Variants in C14orf132 observed in about 807,000 individuals in gnomAD.
C14orf132 encodes uncharacterized protein C14orf132.
C14orf132 carries 6 observed loss-of-function variants against 5.8 expected under a neutral mutation model. The observed-to-expected ratio is 1.03, with a 90% CI of 0.57 to 2.04. C14orf132 has a LOEUF of 2.04. Among genes scored for constraint, C14orf132 ranks in the 30% most tolerant of loss-of-function variants. C14orf132 has a pLI of 0.00. For synonymous variants in C14orf132, 51 were observed against 49.8 expected, an observed-to-expected ratio of 1.02 and a Z score of -0.10; for missense variants, 125 against 115.8, an observed-to-expected ratio of 1.08 and a Z score of -0.37.
intron 1 of C14orf132, among the ~76,000 whole-genome samples, chr14:96,063,619 C>T (rs919188941): frequency 4.6e-5 from 7 of 152,162 alleles, no homozygotes; most frequent in African/African-American, 1.7e-4. Context: ...ATGTGGCATC[C>T]TTTTGAGGAA....
At chr14:96,064,361 T>TACACAC (rs755164695) in intron 1 of C14orf132, among the ~76,000 whole-genome samples, 4,730 of 97,586 alleles carry the variant, frequency 0.048, 88 homozygotes, top group South Asian at 0.067. Flanking sequence ...AGGGTGCATA[T>TACACAC]ATACACACAC....
rs1456013728 is a variant in C14orf132, at chr14:96,090,955, T to C, written c.*4220T>C. 2.2e-6 allele frequency: 1 copy of C among 456,158 alleles called. No individual in the cohort carries two copies. The highest frequency in any genetic ancestry group is 4.4e-6 in the Non-Finnish European group (1 of 226,816). 28.3% of individuals were successfully genotyped at this position (456,158 alleles called of 1,614,324 possible). On this transcript the variant is annotated 3_prime_UTR_variant, in exon 2 of 2. Coordinates refer to ENST00000555004, the MANE Select transcript of C14orf132 (RefSeq NM_001252507.3). Reference sequence around the variant, plus strand: ...TAGCAGTAATATTATTCCCAGTTATTATTCTTACCGGTGCCAGTTTTGCAC... The same window carrying C: ...TAGCAGTAATATTATTCCCAGTTATCATTCTTACCGGTGCCAGTTTTGCAC...
Position 96,065,159 on chromosome 14 carries a change from CG to C in C14orf132, c.28-21350del, listed in dbSNP as rs1443370820. On this transcript the variant is annotated intron_variant, in intron 1 of 1. Transcript: ENST00000555004. The stretch of plus-strand genomic sequence containing the variant: ...ACTGTGAGGCTGCAGGGTTCTGAGC[CG>C]GATTGTGTTGGCACAGGATGGCCAC... Among the ~76,000 whole-genome samples the C allele has an allele frequency of 2.0e-5, 3 of 152,240 alleles. No homozygotes were observed. The East Asian group carries it at 5.8e-4, about 29-fold the overall frequency.
chr14:96,093,135 C>G lies in C14orf132; in HGVS notation c.*6400C>G, dbSNP rs774086287. ...GTCACTGCCCTGCGTTCAAATAATG[C>G]GAGCTGAGGACAGTGATCTGCAACT... On this transcript the variant is annotated 3_prime_UTR_variant, in exon 2 of 2. Transcript: ENST00000555004. 3.9e-5 allele frequency: 6 copies of G among 152,182 alleles called. No individual in the cohort carries two copies. Among genetic ancestry groups the G allele is most frequent in the Non-Finnish European group, 8.8e-5 (6 of 68,038 alleles). 9.4% of individuals were successfully genotyped at this position (152,182 alleles called of 1,614,324 possible). A position where few individuals can be genotyped will look rare whatever the true frequency, so the allele number is the denominator to read the frequency against.
intron 1 of C14orf132, among the ~76,000 whole-genome samples, chr14:96,079,766 T>C (rs1012148063): frequency 1.1e-4 from 17 of 152,024 alleles, no homozygotes; most frequent in African/African-American, 2.9e-4. Context: ...ATGTGCTAGG[T>C]CCCCCAGAGA....
At chr14:96,060,712 G>A (rs1049902823) in intron 1 of C14orf132, among the ~76,000 whole-genome samples, 1 of 152,062 alleles carries the variant, frequency 6.6e-6, no homozygotes, top group Non-Finnish European at 1.5e-5. Flanking sequence ...TCTATGCTTT[G>A]GCCAGAGGCC....
At position 96,091,982 on chromosome 14, in the gene C14orf132, A is replaced by G. The variant is rs983458816; in HGVS notation, c.*5247A>G. The G allele has an allele frequency of 6.6e-6, 1 of 152,248 alleles. No homozygotes were observed. The highest frequency in any genetic ancestry group is 2.4e-5 in the African/African-American group (1 of 41,464). 9.4% of individuals were successfully genotyped at this position (152,248 alleles called of 1,614,324 possible). A position where few individuals can be genotyped will look rare whatever the true frequency, so the allele number is the denominator to read the frequency against. ...TGAGGAAGAGGGAAAGTGACAAAGGACAAAACAATGCAAATCTTCATGACT... is the reference window on the plus strand; with the variant it reads ...TGAGGAAGAGGGAAAGTGACAAAGGGCAAAACAATGCAAATCTTCATGACT... On this transcript the variant is annotated 3_prime_UTR_variant, in exon 2 of 2. Coordinates refer to ENST00000555004, the MANE Select transcript of C14orf132 (RefSeq NM_001252507.3).
rs1886630573 is a variant in C14orf132 at position 96,039,664 on chromosome 14, ACACCCCCACTTGGTG to A, written c.27+141_27+155del. Reference sequence around the variant, plus strand: ...GTCCCGGTCCTTTGTCCCGAGCCGGACACCCCCACTTGGTGCACGCGTCGGGGGCGGCGATCGCGG... The same window carrying A: ...GTCCCGGTCCTTTGTCCCGAGCCGGACACGCGTCGGGGGCGGCGATCGCGG... On this transcript the variant is annotated intron_variant, in intron 1 of 1. Transcript: ENST00000555004. This position sits in a 1 kb window ranked among gnomAD's most constrained non-coding sequence, Gnocchi z 5.3. 2.1e-6 allele frequency: 2 copies of A among 934,792 alleles called. No homozygotes were observed. Among genetic ancestry groups the A allele is most frequent in the African/African-American group, 3.4e-5 (2 of 58,170 alleles). 57.9% of individuals were successfully genotyped at this position (934,792 alleles called of 1,614,324 possible).
chr14:96,084,740 GC>G (rs1888128197), intron 1 of C14orf132, among the ~76,000 whole-genome samples: 1 of 152,194 alleles, frequency 6.6e-6, no homozygotes, highest in African/African-American at 2.4e-5. Context: ...CCTGCCCTGA[GC>G]CCCATAGCAG....
chr14:96,049,653 T>TATACGTATATAGAGAG (rs371381526), intron 1 of C14orf132, among the ~76,000 whole-genome samples: 2 of 82,282 alleles, frequency 2.4e-5, no homozygotes, highest in African/African-American at 4.6e-5. Flanking sequence ...TATATATATA[T>TATACGTATATAGAGAG]AGAGAGAGAG....
chr14:96,075,841 T>A (rs1485658025), intron 1 of C14orf132, among the ~76,000 whole-genome samples: 1 of 152,218 alleles, frequency 6.6e-6, no homozygotes, highest in Non-Finnish European at 1.5e-5. Context: ...CTTGTTCAAT[T>A]GAGATATTGA....
chr14:96,050,331 A>G (rs1162729073), intron 1 of C14orf132, among the ~76,000 whole-genome samples: 1 of 152,210 alleles, frequency 6.6e-6, no homozygotes, highest in Non-Finnish European at 1.5e-5. Flanking sequence ...TTAATCTAAG[A>G]GTAATTATTC....
chr14:96,043,955 C>T (rs1886764024), intron 1 of C14orf132, among the ~76,000 whole-genome samples: 1 of 152,176 alleles, frequency 6.6e-6, no homozygotes, highest in African/African-American at 2.4e-5. Flanking sequence ...TTTATTATTC[C>T]CATCATCAAG....
chr14:96,078,230 C>A (rs537853223), intron 1 of C14orf132, among the ~76,000 whole-genome samples: 2 of 152,236 alleles, frequency 1.3e-5, no homozygotes, highest in East Asian at 1.9e-4. Context: ...CTGCTGCCAT[C>A]GCAACCGTGG....
Position 96,086,602 on chromosome 14 carries a change from C to T in C14orf132, c.119C>T (p.Ala40Val), listed in dbSNP as rs543859832. 4.8e-5 allele frequency: 74 copies of T among 1,536,154 alleles called. No individual in the cohort carries two copies. Among genetic ancestry groups the T allele is most frequent in the African/African-American group, 2.7e-4 (20 of 73,172 alleles). The change falls in exon 2 of 2, where the codon GCG becomes GTG. Residue 40 changes from alanine to valine, a missense_variant. By Grantham distance (64) the Ala-to-Val change is moderately conservative. Coordinates refer to ENST00000555004, the MANE Select transcript of C14orf132 (RefSeq NM_001252507.3). ...TTTAACTCCTCTGCCAATGTCCACG[C>T]GGCTGCCAATGGCCAGGGCCAGCCG... ...SLFNSSANVH[A>V]AANGQGQPED...
intron 1 of C14orf132, among the ~76,000 whole-genome samples, chr14:96,063,170 C>T (rs1001261908): frequency 2.6e-5 from 4 of 152,198 alleles, no homozygotes; most frequent in Non-Finnish European, 4.4e-5. Context: ...GCAGCTGGGG[C>T]GGGTCTCAGG....
rs751368787 is a variant in C14orf132, at chr14:96,090,647, C to G, written c.*3912C>G. On this transcript the variant is annotated 3_prime_UTR_variant, in exon 2 of 2. Coordinates refer to ENST00000555004, the MANE Select transcript of C14orf132 (RefSeq NM_001252507.3). ...AAGACTCCCTGCTCCACTCTACCCCCCAGAGAGAAATGATTCTCGCTCCTT... is the reference window on the plus strand; with the variant it reads ...AAGACTCCCTGCTCCACTCTACCCCGCAGAGAGAAATGATTCTCGCTCCTT... 1.8e-5 allele frequency: 8 copies of G among 455,940 alleles called. No individual in the cohort carries two copies. Among genetic ancestry groups the G allele is most frequent in the South Asian group, 4.6e-5 (3 of 64,568 alleles). The allele number at this position is 455,940 out of a possible 1,614,324, so 28.2% of individuals were successfully genotyped here.
At chr14:96,078,941 C>A (rs1353110100) in intron 1 of C14orf132, among the ~76,000 whole-genome samples, 1 of 152,258 alleles carries the variant, frequency 6.6e-6, no homozygotes, top group Non-Finnish European at 1.5e-5. Context: ...TCAGCCCTCC[C>A]CGTCAGAGGA....
In C14orf132 at chr14:96,048,489, G is replaced by A. The variant is rs142999185; in HGVS notation, c.27+8962G>A. Among the ~76,000 whole-genome samples, 495 of 152,038 alleles carry A rather than the reference G, an allele frequency of 3.3e-3. 1 individual carries two copies. Among genetic ancestry groups the A allele is most frequent in the South Asian group, 0.01 (48 of 4,784 alleles). On this transcript the variant is annotated intron_variant, in intron 1 of 1. Coordinates refer to ENST00000555004, the MANE Select transcript of C14orf132 (RefSeq NM_001252507.3). ...TTTCACTTAGTAATATGCACCTAAG[G>A]CTTGATAGCTTTTTCTATTTTATTT...
Sources: gnomAD v4.1 joint callset for allele counts (sites outside exome capture counted in the v4.1 genomes callset) on GRCh38, gnomAD v4.1.1 for gene constraint, Gnocchi (gnomAD v3.1) non-coding constraint, MANE v1.5 for transcripts, NCBI Gene and HGNC (gene_info 2026-07-23, HGNC 2026-07-21) for gene names.